The following CLSTN2 variants were observed in gnomAD, a reference collection of about 807,000 sequenced individuals.
CLSTN2 encodes the protein calsyntenin-2.
In CLSTN2, 48 loss-of-function variants were observed where a neutral mutation model predicts 101.2. The observed-to-expected ratio is 0.47, with a 90% CI of 0.38 to 0.60. CLSTN2 has a LOEUF of 0.60. Ranked by LOEUF, CLSTN2 falls within the 20% of genes least tolerant of loss-of-function variation. The probability of loss-of-function intolerance (pLI) is 0.00; values close to 1 mark genes in which losing one functional copy is unlikely to be tolerated. For synonymous variants in CLSTN2, 481 were observed against 463.6 expected, an observed-to-expected ratio of 1.04 and a Z score of -0.48; for missense variants, 1,160 against 1,238.2, an observed-to-expected ratio of 0.94 and a Z score of 0.95.
rs557706019 is a variant in CLSTN2, at chr3:140,566,993, C to G, written c.*740C>G. On this transcript the variant is annotated 3_prime_UTR_variant, in exon 17 of 17. Transcript: ENST00000458420. ...TGTCTGGGCACCTGCTGCAACCATG[C>G]AGCTACCCTGCCAGGGGCACTCAGC... 6.5e-6 allele frequency: 1 copy of G among 152,774 alleles called. No homozygotes were observed. Among genetic ancestry groups the G allele is most frequent in the South Asian group, 2.1e-4 (1 of 4,828 alleles). The allele number at this position is 152,774 out of a possible 1,614,324, so 9.5% of individuals were successfully genotyped here. A position where few individuals can be genotyped will look rare whatever the true frequency, so the allele number is the denominator to read the frequency against.
At chr3:140,320,270 G>A (rs2107923038) in intron 2 of CLSTN2, among the ~76,000 whole-genome samples, 1 of 152,296 alleles carries the variant, frequency 6.6e-6, no homozygotes, top group South Asian at 2.1e-4. Context: ...CCTTGTCAGA[G>A]TTCACTTCCA....
chr3:140,507,131 T>C (rs947086266), intron 8 of CLSTN2: 4 of 152,066 alleles, frequency 2.6e-5, no homozygotes, highest in African/African-American at 7.2e-5. Flanking sequence ...CCGAGAACCA[T>C]GTAAGTATTA....
At position 140,562,934 on chromosome 3, in the gene CLSTN2, C is replaced by G. The variant is rs779721258; in HGVS notation, c.2336C>G (p.Thr779Ser). 1.2e-6 allele frequency: 2 copies of G among 1,614,144 alleles called. No individual in the cohort carries two copies. The highest frequency in any genetic ancestry group is 2.2e-5 in the South Asian group (2 of 91,082). Residue 779 changes from threonine (T) to serine (S), a missense_variant, in exon 14 of 17, where the codon ACT becomes AGT. By Grantham distance (58) the Thr-to-Ser change is moderately conservative. Transcript: ENST00000458420. ...TGCTCAGAACTCAATGGGCGCTACA[C>G]TAGCAATGAGTTCAACTTGGAGGTG... ...IKCSELNGRY[T>S]SNEFNLEVSI...
intron 2 of CLSTN2, among the ~76,000 whole-genome samples, chr3:140,204,363 C>T (rs2010754668): frequency 1.3e-5 from 2 of 152,206 alleles, no homozygotes; most frequent in Non-Finnish European, 2.9e-5. Context: ...ACGAGTTACT[C>T]ACCCTTTCTC....
At chr3:140,441,541 G>A (rs1274008036) in intron 5 of CLSTN2, among the ~76,000 whole-genome samples, 3 of 152,214 alleles carry the variant, frequency 2.0e-5, no homozygotes, top group African/African-American at 7.2e-5. Context: ...GGCACAGAGA[G>A]GTTAAGTAAC....
At chr3:139,998,777 A>G (rs924788796) in intron 1 of CLSTN2, among the ~76,000 whole-genome samples, 2 of 152,152 alleles carry the variant, frequency 1.3e-5, no homozygotes, top group East Asian at 1.9e-4. Flanking sequence ...TCAGAACTGC[A>G]GAGTCTCACC....
intron 4 of CLSTN2, among the ~76,000 whole-genome samples, chr3:140,406,997 C>A (rs2088311161): frequency 6.6e-6 from 1 of 152,208 alleles, no homozygotes; most frequent in South Asian, 2.1e-4. Context: ...TGGGCCTTTG[C>A]CAGGCCTCTG....
At chr3:140,264,034 G>A (rs1047575224) in intron 2 of CLSTN2, among the ~76,000 whole-genome samples, 5 of 151,862 alleles carry the variant, frequency 3.3e-5, no homozygotes, top group African/African-American at 1.2e-4. Flanking sequence ...TTATTTGTAG[G>A]CATGTGCAGA....
intron 5 of CLSTN2, among the ~76,000 whole-genome samples, chr3:140,440,367 T>C (rs968262304): frequency 6.6e-6 from 1 of 152,198 alleles, no homozygotes; most frequent in East Asian, 1.9e-4. Flanking sequence ...AAATAAAATA[T>C]AGTAAATGGA....
At chr3:140,196,123 A>G (rs1355077892) in intron 2 of CLSTN2, among the ~76,000 whole-genome samples, 5 of 152,352 alleles carry the variant, frequency 3.3e-5, no homozygotes, top group South Asian at 2.1e-4. Flanking sequence ...TTACCGAAGA[A>G]GAATGCCTGG....
At chr3:140,375,294 T>G (rs2087904588) in intron 2 of CLSTN2, among the ~76,000 whole-genome samples, 1 of 152,186 alleles carries the variant, frequency 6.6e-6, no homozygotes, top group Admixed American at 6.5e-5. Context: ...AGGGAAAGGA[T>G]AAATGTCGTG....
chr3:140,231,659 C>T (rs2086373032), intron 2 of CLSTN2, among the ~76,000 whole-genome samples: 1 of 152,134 alleles, frequency 6.6e-6, no homozygotes, highest in African/African-American at 2.4e-5. Flanking sequence ...ATTATCTCTT[C>T]GTTGTTTGTC....
chr3:140,201,789 T>C (rs1325403086), intron 2 of CLSTN2, among the ~76,000 whole-genome samples: 7 of 151,746 alleles, frequency 4.6e-5, no homozygotes, highest in Non-Finnish European at 1.0e-4. Context: ...GCAAATTATA[T>C]GCACGCACAC....
At chr3:140,074,417 T>C (rs1043063186) in intron 1 of CLSTN2, among the ~76,000 whole-genome samples, 1 of 152,088 alleles carries the variant, frequency 6.6e-6, no homozygotes, top group Non-Finnish European at 1.5e-5. Context: ...GGAGTAGCTG[T>C]TCTTAGCCCA....
intron 1 of CLSTN2, among the ~76,000 whole-genome samples, chr3:140,067,098 C>T (rs1040019871): frequency 1.3e-5 from 2 of 152,092 alleles, no homozygotes; most frequent in African/African-American, 2.4e-5. Flanking sequence ...AAGTCTTATT[C>T]ACTCAAAGGG....
intron 1 of CLSTN2, among the ~76,000 whole-genome samples, chr3:139,969,300 T>C (rs1395269088): frequency 2.0e-5 from 3 of 152,178 alleles, no homozygotes; most frequent in Non-Finnish European, 4.4e-5. Context: ...CTCTTTGTCT[T>C]TTCAGTGTCA....
At position 140,566,180 on chromosome 3, in the gene CLSTN2, G is replaced by A; in HGVS notation, c.2795G>A (p.Gly932Asp). 6.2e-7 allele frequency: 1 copy of A among 1,610,286 alleles called. No individual in the cohort carries two copies. Among genetic ancestry groups the A allele is most frequent in the Non-Finnish European group, 8.5e-7 (1 of 1,178,240 alleles). Residue 932 changes from glycine to aspartate, a missense_variant, in exon 17 of 17, where the codon GGC becomes GAC. Transcript: ENST00000458420. Reference protein sequence around the residue: ...SEEEEEEEGMGRGRHGQNGAR... With the variant: ...SEEEEEEEGMDRGRHGQNGAR... ...GAGGAGGAGGAGGAGGAAGGGATGG[G>A]CAGAGGCAGACATGGGCAGAATGGA... is the stretch of plus-strand genomic sequence containing the variant.
At chr3:139,939,050 G>A (rs1371481125) in intron 1 of CLSTN2, among the ~76,000 whole-genome samples, 1 of 152,024 alleles carries the variant, frequency 6.6e-6, no homozygotes, top group East Asian at 1.9e-4. Context: ...GAGTGGCAGC[G>A]GAGAGAATTT....
chr3:140,080,012 A>G (rs922852004), intron 1 of CLSTN2, among the ~76,000 whole-genome samples: 1 of 152,210 alleles, frequency 6.6e-6, no homozygotes, highest in African/African-American at 2.4e-5. Flanking sequence ...TTTATAATTC[A>G]GTCATATGAG....
Sources: gnomAD v4.1 joint callset for allele counts (sites outside exome capture counted in the v4.1 genomes callset) on GRCh38, gnomAD v4.1.1 for gene constraint, MANE v1.5 for transcripts, NCBI Gene and HGNC (gene_info 2026-07-23, HGNC 2026-07-21) for gene names.